Variants in OGDH observed in about 807,000 individuals in gnomAD.
OGDH encodes the protein oxoglutarate dehydrogenase.
Under a neutral mutation model 116.6 loss-of-function variants are expected in OGDH, and 38 were observed. The ratio of observed to expected loss-of-function variants is 0.33; its 90% CI spans 0.25 to 0.43. The LOEUF is 0.43. OGDH is among the 20% of genes least tolerant of loss of function. The pLI, the probability that OGDH is intolerant of heterozygous loss-of-function variation, is 1.00. For missense variants in OGDH, 825 were observed against 1,357.2 expected, an observed-to-expected ratio of 0.61 and a Z score of 6.16; for synonymous variants, 488 against 533.3, an observed-to-expected ratio of 0.92 and a Z score of 1.17.
intron 1 of OGDH, among the ~76,000 whole-genome samples, chr7:44,616,847 GTATA>G (rs1196980476): frequency 1.6e-5 from 2 of 122,170 alleles, no homozygotes; most frequent in Admixed American, 1.7e-4. Context: ...ACATATACGT[GTATA>G]TATATACACA....
intron 4 of OGDH, among the ~76,000 whole-genome samples, chr7:44,651,436 G>A (rs1470555795): frequency 6.6e-6 from 1 of 152,190 alleles, no homozygotes; most frequent in Non-Finnish European, 1.5e-5. Context: ...TAGCGCCAGA[G>A]TGTCAGGATT....
At chr7:44,618,120 T>C (rs1784874804) in intron 1 of OGDH, among the ~76,000 whole-genome samples, 1 of 152,206 alleles carries the variant, frequency 6.6e-6, no homozygotes, top group Non-Finnish European at 1.5e-5. Flanking sequence ...AACTTATTTT[T>C]CCCAAATGTA....
At chr7:44,701,804 A>G (rs1788842861) in intron 20 of OGDH, among the ~76,000 whole-genome samples, 189 bp downstream of exon 20, 1 of 152,164 alleles carries the variant, frequency 6.6e-6, no homozygotes, top group Admixed American at 6.5e-5. Context: ...GCACTTTGGG[A>G]GGCCGAGGCA....
intron 4 of OGDH, 22 bp downstream of exon 4, chr7:44,647,781 GCTGCGTTGC>G (rs1268698841): frequency 5.7e-6 from 9 of 1,592,352 alleles, no homozygotes; most frequent in African/African-American, 1.3e-5. Flanking sequence ...AGAGCAGTCA[GCTGCGTTGC>G]TTGAGCTCCT....
Position 44,701,091 on chromosome 7 carries a change from G to A in OGDH, c.2560-452G>A, listed in dbSNP as rs546583839. ...GTGCCCTGCTGCCCTGGGATACCGC[G>A]GGGGTGGGAGTATGGGGTGGAGGCT... On this transcript the variant is annotated intron_variant, in intron 19 of 22. Coordinates refer to ENST00000222673, the MANE Select transcript of OGDH (RefSeq NM_002541.4). Among the ~76,000 whole-genome samples, 23 of 152,334 alleles carry A rather than the reference G, an allele frequency of 1.5e-4. No homozygotes were observed. In the South Asian group the frequency reaches 2.3e-3, roughly 15 times the overall value.
rs149465605 is a variant in OGDH, at chr7:44,659,039, T to C, written c.518-7697T>C. 5.8e-3 allele frequency among the ~76,000 whole-genome samples: 878 copies of C among 152,214 alleles called. 10 individuals carry two copies. The highest frequency in any genetic ancestry group is 0.019 in the African/African-American group (801 of 41,538). The stretch of plus-strand genomic sequence containing the variant: ...TTTAGTAGAGGTGGGGGTTTCACCA[T>C]GTTGGCTAGGCTGGTCTAGAACTCC... On this transcript the variant is annotated intron_variant, in intron 4 of 22. Coordinates refer to ENST00000222673, the MANE Select transcript of OGDH (RefSeq NM_002541.4).
intron 1 of OGDH, among the ~76,000 whole-genome samples, chr7:44,611,500 C>T (rs1424518195): frequency 6.6e-6 from 1 of 151,862 alleles, no homozygotes; most frequent in Non-Finnish European, 1.5e-5. Flanking sequence ...TGGTCTCGAT[C>T]TCCTGACCTC....
At chr7:44,688,145 T>G (rs1317221854) in intron 10 of OGDH, among the ~76,000 whole-genome samples, 1 of 151,898 alleles carries the variant, frequency 6.6e-6, no homozygotes, top group Non-Finnish European at 1.5e-5. Flanking sequence ...CCGAGGCAGG[T>G]GGATCATCTG....
At chr7:44,616,101 T>C (rs1784755985) in intron 1 of OGDH, among the ~76,000 whole-genome samples, 1 of 152,104 alleles carries the variant, frequency 6.6e-6, no homozygotes, top group Non-Finnish European at 1.5e-5. Context: ...CTTCCTTCTC[T>C]CCACCTTTCA....
chr7:44,701,451 T>C, intron 19 of OGDH, 92 bp from the exon 20 acceptor site: 1 of 1,095,706 alleles, frequency 9.1e-7, no homozygotes. Context: ...TTTCATGGCC[T>C]GAAGGTCAAG....
At chr7:44,628,023 A>T (rs1011137879) in intron 2 of OGDH, among the ~76,000 whole-genome samples, 3 of 152,162 alleles carry the variant, frequency 2.0e-5, no homozygotes, top group Admixed American at 2.0e-4. Flanking sequence ...CCAAGCATAC[A>T]TAACAGTAGA....
chr7:44,678,727 GT>G (rs1384832202), intron 9 of OGDH, among the ~76,000 whole-genome samples: 1 of 152,166 alleles, frequency 6.6e-6, no homozygotes, highest in African/African-American at 2.4e-5. Context: ...TCAGTGTGGG[GT>G]CATTGCAGGC....
At chr7:44,673,694 T>C in intron 5 of OGDH, 93 bp from the exon 6 acceptor site, 1 of 1,251,658 alleles carries the variant, frequency 8.0e-7, no homozygotes, top group African/African-American at 1.5e-5. Context: ...CTCCTGCTTA[T>C]CCCCTCCTTC....
At chr7:44,672,644 G>GTTT (rs539935339) in intron 5 of OGDH, among the ~76,000 whole-genome samples, 3 of 134,026 alleles carry the variant, frequency 2.2e-5, no homozygotes, top group Admixed American at 7.5e-5. Context: ...TTTGTTTTTT[G>GTTT]TTTTTTTTTT....
chr7:44,662,846 TACA>T (rs1787009710), intron 4 of OGDH, among the ~76,000 whole-genome samples: 1 of 152,212 alleles, frequency 6.6e-6, no homozygotes, highest in Non-Finnish European at 1.5e-5. Context: ...AGTGTCACTT[TACA>T]ACAACTGCTT....
At position 44,700,318 on chromosome 7, in the gene OGDH, T is replaced by C. The variant is rs371393089; in HGVS notation, c.2559+49T>C. 1.0e-5 allele frequency: 16 copies of C among 1,606,934 alleles called. No homozygotes were observed. In the African/African-American group the frequency reaches 1.7e-4, roughly 17 times the overall value. On this transcript the variant is annotated intron_variant, in intron 19 of 22. Coordinates refer to ENST00000222673, the MANE Select transcript of OGDH (RefSeq NM_002541.4). ...TCAAACGAGGCCTGGCCCTGCCCTG[T>C]TGGTGCAGGGAAGGGCTCCTCAGAG...
At chr7:44,631,323 T>C (rs1294936215) in intron 2 of OGDH, among the ~76,000 whole-genome samples, 2 of 152,208 alleles carry the variant, frequency 1.3e-5, no homozygotes, top group Admixed American at 1.3e-4. Context: ...AGGAGGTACA[T>C]GTGTGGGTTT....
chr7:44,703,314 A>G (rs1035373507), intron 20 of OGDH, among the ~76,000 whole-genome samples: 1 of 152,122 alleles, frequency 6.6e-6, no homozygotes, highest in African/African-American at 2.4e-5. Context: ...AGGCTAAGGC[A>G]GGAGAATTGC....
At chr7:44,663,719 A>T (rs1478000702) in intron 4 of OGDH, among the ~76,000 whole-genome samples, 1 of 152,204 alleles carries the variant, frequency 6.6e-6, no homozygotes, top group Non-Finnish European at 1.5e-5. Context: ...AGTTGCAGTG[A>T]GCTGAGATGG....
Sources: gnomAD v4.1 joint callset for allele counts (sites outside exome capture counted in the v4.1 genomes callset) on GRCh38, gnomAD v4.1.1 for gene constraint, MANE v1.5 for transcripts, NCBI Gene and HGNC (gene_info 2026-07-23, HGNC 2026-07-21) for gene names.